The following CADPS variants were observed in gnomAD, a reference collection of about 807,000 sequenced individuals.
CADPS encodes calcium dependent secretion activator.
CADPS carries 57 observed loss-of-function variants against 167.3 expected under a neutral mutation model. That is an observed-to-expected ratio of 0.34 (90% CI 0.28 to 0.42). CADPS has a LOEUF of 0.42. Ranked by LOEUF, CADPS falls within the 20% of genes least tolerant of loss-of-function variation. The probability of loss-of-function intolerance (pLI) is 1.00; values close to 1 mark genes in which losing one functional copy is unlikely to be tolerated. For synonymous variants in CADPS, 676 were observed against 635.3 expected (o/e 1.06, Z -0.96); for missense variants, 1,414 against 1,738.1 (o/e 0.81, Z 3.32).
chr3:62,814,343 T>C (rs544897804), intron 1 of CADPS: 15 of 152,164 alleles, frequency 9.9e-5, no homozygotes, highest in African/African-American at 3.4e-4. Flanking sequence ...TAACTCAATA[T>C]AGCCACAACA....
intron 1 of CADPS, among the ~76,000 whole-genome samples, chr3:62,866,926 G>C (rs529684242): frequency 6.6e-6 from 1 of 152,094 alleles, no homozygotes; most frequent in Non-Finnish European, 1.5e-5. Context: ...GAGCTGACCA[G>C]GAATTTGAAC....
rs748488718 is a variant in CADPS at position 62,403,063 on chromosome 3, A to G, written c.3882+18T>C. 33 of 1,471,236 alleles carry G rather than the reference A, an allele frequency of 2.2e-5. No individual in the cohort carries two copies. Among genetic ancestry groups the G allele is most frequent in the Admixed American group, 3.4e-5 (2 of 58,464 alleles). The allele number at this position is 1,471,236 out of a possible 1,614,324, so 91.1% of individuals were successfully genotyped here. ...CAGTAAGCTATTTGCAAAGAAGAAT[A>G]ATAATCTTTTCTTTTACCTTTACCA... On this transcript the variant is annotated intron_variant, in intron 29 of 29. Transcript: ENST00000383710.
At chr3:62,699,374 C>G (rs1217043853) in intron 3 of CADPS, among the ~76,000 whole-genome samples, 1 of 151,962 alleles carries the variant, frequency 6.6e-6, no homozygotes. Flanking sequence ...ACTTTAGTAT[C>G]ACTAAGGAAC....
At chr3:62,713,138 A>C (rs1215056055) in intron 3 of CADPS, among the ~76,000 whole-genome samples, 1 of 152,238 alleles carries the variant, frequency 6.6e-6, no homozygotes, top group African/African-American at 2.4e-5. Context: ...TATTGTGAAC[A>C]TTATGTATTA....
intron 6 of CADPS, among the ~76,000 whole-genome samples, chr3:62,598,498 C>T (rs781757334): frequency 1.3e-5 from 2 of 152,292 alleles, no homozygotes; most frequent in East Asian, 1.9e-4. Context: ...TTTGTAGCCA[C>T]GGAGAGATCT....
chr3:62,769,386 T>C (rs962982564), intron 1 of CADPS, among the ~76,000 whole-genome samples: 1 of 151,988 alleles, frequency 6.6e-6, no homozygotes, highest in African/African-American at 2.4e-5. Context: ...TGTGTGCCTC[T>C]ACAGCTGGCT....
intron 9 of CADPS, among the ~76,000 whole-genome samples, chr3:62,564,961 G>A (rs141147126): frequency 4.0e-4 from 61 of 152,258 alleles, no homozygotes; most frequent in Non-Finnish European, 6.8e-4. Context: ...AGATGAAAGC[G>A]TTAAGACTTT....
chr3:62,651,037 A>G lies in CADPS; in HGVS notation c.1013T>C (p.Met338Thr). Residue 338 changes from methionine (M) to threonine (T), a missense_variant, in exon 5 of 30, where the codon ATG becomes ACG. Coordinates refer to ENST00000383710, the MANE Select transcript of CADPS (RefSeq NM_003716.4). ...AGATGACTTCAGCTCCTCAATGTAC[A>G]TGTTTTCCATTTCTTTGGATACAAA... ...PKFVSKEMENMYIEELKSSVN... is the reference protein window; with the variant it reads ...PKFVSKEMENTYIEELKSSVN... The G allele has an allele frequency of 1.9e-6, 3 of 1,614,030 alleles. No homozygotes were observed. The highest frequency in any genetic ancestry group is 1.3e-5 in the African/African-American group (1 of 75,048).
At position 62,772,328 on chromosome 3, in the gene CADPS, T is replaced by C. The variant is rs536544839; in HGVS notation, c.442-6344A>G. Among the ~76,000 whole-genome samples the C allele has an allele frequency of 2.3e-3, 356 of 152,322 alleles. 5 individuals carry two copies. The highest frequency in any genetic ancestry group is 8.2e-3 in the African/African-American group (341 of 41,566). On this transcript the variant is annotated intron_variant, in intron 1 of 29. Coordinates refer to ENST00000383710, the MANE Select transcript of CADPS (RefSeq NM_003716.4). Reference sequence around the variant, plus strand: ...CCAATTACTCCCTTCCCAGTTTCGCTTGCTATTATGGGTGGCCATGTAACA... The same window carrying C: ...CCAATTACTCCCTTCCCAGTTTCGCCTGCTATTATGGGTGGCCATGTAACA...
chr3:62,443,345 T>C (rs908909407), intron 27 of CADPS, among the ~76,000 whole-genome samples: 1 of 152,224 alleles, frequency 6.6e-6, no homozygotes, highest in African/African-American at 2.4e-5. Context: ...GTAGTTATTA[T>C]ATTTTGTATA....
chr3:62,415,572 A>G (rs2149320172), intron 28 of CADPS, among the ~76,000 whole-genome samples: 1 of 152,284 alleles, frequency 6.6e-6, no homozygotes, highest in Non-Finnish European at 1.5e-5. Flanking sequence ...CAGATTTTGT[A>G]AAGAGGAGGA....
chr3:62,414,666 A>C (rs1379763940), intron 28 of CADPS, among the ~76,000 whole-genome samples: 1 of 152,166 alleles, frequency 6.6e-6, no homozygotes, highest in Non-Finnish European at 1.5e-5. Flanking sequence ...CTGGGAATAG[A>C]AATTTCTGCA....
chr3:62,627,576 T>A (rs549727791), intron 6 of CADPS, among the ~76,000 whole-genome samples: 1 of 152,280 alleles, frequency 6.6e-6, no homozygotes, highest in East Asian at 1.9e-4. Flanking sequence ...TTCAGGATAA[T>A]CTGAGAATCT....
At chr3:62,772,044 G>C (rs1285502181) in intron 1 of CADPS, among the ~76,000 whole-genome samples, 1 of 152,072 alleles carries the variant, frequency 6.6e-6, no homozygotes, top group Non-Finnish European at 1.5e-5. Flanking sequence ...ACTTTACAGA[G>C]TCTTTGTGAA....
intron 3 of CADPS, among the ~76,000 whole-genome samples, chr3:62,733,759 T>A (rs1300086694): frequency 6.6e-6 from 1 of 150,530 alleles, no homozygotes; most frequent in East Asian, 2.0e-4. Flanking sequence ...AGTCCTTTAG[T>A]GGTGATTTCT....
intron 3 of CADPS, among the ~76,000 whole-genome samples, chr3:62,719,814 G>A (rs753859159): frequency 3.3e-5 from 5 of 152,176 alleles, no homozygotes; most frequent in East Asian, 1.9e-4. Flanking sequence ...CTGGGAGCAC[G>A]GTAGGATTTG....
chr3:62,798,433 C>T (rs1028492729), intron 1 of CADPS, among the ~76,000 whole-genome samples: 13 of 152,142 alleles, frequency 8.5e-5, no homozygotes, highest in African/African-American at 2.7e-4. Flanking sequence ...TGGGCTTACA[C>T]CAGTGAAGCC....
intron 12 of CADPS, 65 bp from the exon 13 acceptor site, chr3:62,533,123 G>A: frequency 7.0e-7 from 1 of 1,432,150 alleles, no homozygotes; most frequent in Non-Finnish European, 9.7e-7. Context: ...AGCTGCTAGA[G>A]TTGGGAGTGG....
intron 3 of CADPS, among the ~76,000 whole-genome samples, chr3:62,709,968 C>T (rs2083076260): frequency 1.3e-5 from 2 of 151,916 alleles, no homozygotes; most frequent in African/African-American, 2.4e-5. Context: ...GACAGGGTTT[C>T]ACCATGTTGG....
Sources: allele counts gnomAD v4.1 joint callset (sites outside exome capture counted in the v4.1 genomes callset), GRCh38; gene constraint gnomAD v4.1.1; transcripts MANE v1.5; gene names NCBI Gene and HGNC (gene_info 2026-07-23, HGNC 2026-07-21).